SPATA13: variants seen among roughly 807,000 people sequenced by gnomAD.
The protein encoded by SPATA13 is spermatogenesis-associated protein 13.
A neutral mutation model predicts 104.0 loss-of-function variants in SPATA13; 50 were observed. The ratio of observed to expected loss-of-function variants is 0.48; its 90% confidence interval spans 0.38 to 0.61. The LOEUF (loss-of-function observed/expected upper bound fraction) is 0.61, where lower values mean the gene tolerates loss of function less well. SPATA13 is among the 20% of genes least tolerant of loss of function. SPATA13 has a pLI of 0.00. For missense variants in SPATA13, 1,524 were observed against 1,690.6 expected (o/e 0.90, Z 1.73); for synonymous variants, 606 against 667.5 (o/e 0.91, Z 1.42).
In SPATA13 at chr13:24,286,529, T is replaced by G; in HGVS notation, c.2481+136T>G. 1.9e-6 allele frequency: 2 copies of G among 1,070,470 alleles called. No individual in the cohort carries two copies. Among genetic ancestry groups the G allele is most frequent in the Non-Finnish European group, 2.6e-6 (2 of 754,916 alleles). 66.3% of individuals were successfully genotyped at this position (1,070,470 alleles called of 1,614,324 possible). A position where few individuals can be genotyped will look rare whatever the true frequency, so the allele number is the denominator to read the frequency against. ...CATGCAAGTCACACCTGTAAGAAATTAGGCTGGGTCGGAGCAAAAATGTTA... is the reference window on the plus strand; with the variant it reads ...CATGCAAGTCACACCTGTAAGAAATGAGGCTGGGTCGGAGCAAAAATGTTA... On this transcript the variant is annotated intron_variant, in intron 6 of 12. Transcript: ENST00000382108. The surrounding 1 kb of genome is among the most constrained non-coding windows in gnomAD (Gnocchi z 4.9).
chr13:23,998,727 T>C (rs1444599313), intron 2 of SPATA13, among the ~76,000 whole-genome samples: 1 of 152,216 alleles, frequency 6.6e-6, no homozygotes, highest in Non-Finnish European at 1.5e-5. Flanking sequence ...AGGTCTATGA[T>C]TCATTTTCAG....
At chr13:24,225,299 G>T (rs1280779178) in intron 2 of SPATA13, among the ~76,000 whole-genome samples, 1 of 152,248 alleles carries the variant, frequency 6.6e-6, no homozygotes, top group Non-Finnish European at 1.5e-5. Flanking sequence ...GCAGCTCCAG[G>T]TGCCGGCACA....
chr13:24,106,610 C>G (rs1880463147), intron 3 of SPATA13, among the ~76,000 whole-genome samples: 2 of 152,148 alleles, frequency 1.3e-5, no homozygotes, highest in Admixed American at 1.3e-4. Context: ...CTCACTGGGT[C>G]TAAGTACTGA....
At chr13:24,279,515 G>C (rs539502944) in intron 4 of SPATA13, among the ~76,000 whole-genome samples, 53 of 152,310 alleles carry the variant, frequency 3.5e-4, no homozygotes, top group Non-Finnish European at 5.7e-4. Flanking sequence ...CCCGAAGCTG[G>C]ATGGGAACCC....
intron 1 of SPATA13, among the ~76,000 whole-genome samples, chr13:24,209,383 A>G (rs1870890258): frequency 6.6e-6 from 1 of 152,194 alleles, no homozygotes; most frequent in Non-Finnish European, 1.5e-5. Context: ...GTATGGGGTA[A>G]GGGAATTAAG....
At chr13:24,174,025 T>G (rs1448848322) in intron 1 of SPATA13, among the ~76,000 whole-genome samples, 1 of 152,232 alleles carries the variant, frequency 6.6e-6, no homozygotes, top group Non-Finnish European at 1.5e-5. Context: ...GAAGAGGTAG[T>G]GTAGAATTGG....
rs113482773 is a variant in SPATA13, at chr13:24,166,091, A to T, written c.-112+5159A>T. On this transcript the variant is annotated intron_variant, in intron 1 of 12. Transcript: ENST00000382108. Reference sequence around the variant, plus strand: ...ATGGCCTATTTAGGGATTTATGTGGATTTGCAGATTCTGCTATCACAAGTG... The same window carrying T: ...ATGGCCTATTTAGGGATTTATGTGGTTTTGCAGATTCTGCTATCACAAGTG... Among the ~76,000 whole-genome samples the T allele has an allele frequency of 6.5e-3, 987 of 152,266 alleles. 5 individuals carry two copies. Among genetic ancestry groups the T allele is most frequent in the Non-Finnish European group, 0.011 (715 of 67,998 alleles).
At chr13:24,214,481 A>T (rs1871183325) in intron 1 of SPATA13, among the ~76,000 whole-genome samples, 1 of 152,240 alleles carries the variant, frequency 6.6e-6, no homozygotes, top group South Asian at 2.1e-4. Context: ...AGTAAAAGAA[A>T]CTGCTCTAAA....
intron 1 of SPATA13, among the ~76,000 whole-genome samples, chr13:24,194,760 T>C: frequency 6.6e-6 from 1 of 152,244 alleles, no homozygotes; most frequent in East Asian, 1.9e-4. Flanking sequence ...ATATGTGGAA[T>C]CTTGACCTCA....
chr13:24,271,363 A>T (rs560406684), intron 4 of SPATA13, among the ~76,000 whole-genome samples: 45 of 152,270 alleles, frequency 3.0e-4, no homozygotes, highest in African/African-American at 9.4e-4. Context: ...GGTGGTGTGT[A>T]TAAGAATGTT....
intron 2 of SPATA13, among the ~76,000 whole-genome samples, chr13:24,225,871 A>G (rs1871905133): frequency 2.0e-5 from 3 of 152,316 alleles, no homozygotes; most frequent in African/African-American, 7.2e-5. Context: ...CATCCGGGAA[A>G]GTGTTACAGC....
At chr13:24,194,666 G>A (rs1038474766) in intron 1 of SPATA13, among the ~76,000 whole-genome samples, 3 of 152,182 alleles carry the variant, frequency 2.0e-5, no homozygotes, top group African/African-American at 7.2e-5. Context: ...CTTTCCACTG[G>A]AAGGACTAGG....
intron 2 of SPATA13, among the ~76,000 whole-genome samples, chr13:24,228,808 A>C (rs1593440386): frequency 6.6e-6 from 1 of 152,344 alleles, no homozygotes; most frequent in Non-Finnish European, 1.5e-5. Flanking sequence ...AACATATATT[A>C]TGGTGTTATT....
chr13:24,218,636 T>C lies in SPATA13; in HGVS notation c.-111-4183T>C, dbSNP rs374984087. 5.9e-5 allele frequency among the ~76,000 whole-genome samples: 9 copies of C among 152,290 alleles called. No homozygotes were observed. In the East Asian group the frequency reaches 1.7e-3, roughly 29 times the overall value. ...CTTCTCTAACCAGTGGGCCGCAGGC[T>C]GCATGTGGCCCAGGGAAGCTTTGAA... On this transcript the variant is annotated intron_variant, in intron 1 of 12. Transcript: ENST00000382108.
At chr13:24,273,977 A>T (rs1035412401) in intron 4 of SPATA13, among the ~76,000 whole-genome samples, 1 of 152,220 alleles carries the variant, frequency 6.6e-6, no homozygotes, top group Non-Finnish European at 1.5e-5. Flanking sequence ...GGCATGAGCC[A>T]CTGCGCCCGG....
intron 2 of SPATA13, among the ~76,000 whole-genome samples, chr13:23,997,907 G>C (rs927284381): frequency 1.3e-5 from 2 of 152,248 alleles, no homozygotes; most frequent in South Asian, 4.2e-4. Flanking sequence ...GATCATATTT[G>C]AATATCAGTC....
In SPATA13 at chr13:24,189,861, C is replaced by T. The variant is rs1593397591; in HGVS notation, c.-112+28929C>T. ...TATTTAATATATTATATTAATATAT[C>T]ATATATAATATAATTATATATCATA... On this transcript the variant is annotated intron_variant, in intron 1 of 12. Transcript: ENST00000382108. Among the ~76,000 whole-genome samples, 10 of 17,530 alleles carry T rather than the reference C, an allele frequency of 5.7e-4. 2 individuals are homozygous for T. The highest frequency in any genetic ancestry group is 2.4e-3 in the South Asian group (1 of 410). The allele number at this position is 17,530 out of a possible 152,430, so 11.5% of individuals were successfully genotyped here.
At chr13:24,123,607 A>G in intron 3 of SPATA13, 1 of 1,607,386 alleles carries the variant, frequency 6.2e-7, no homozygotes, top group Non-Finnish European at 8.5e-7. Context: ...CAGGCTGTAA[A>G]CAAAAGTGTC....
At chr13:24,172,343 TGA>T (rs1447916172) in intron 1 of SPATA13, among the ~76,000 whole-genome samples, 1 of 152,242 alleles carries the variant, frequency 6.6e-6, no homozygotes, top group East Asian at 1.9e-4. Flanking sequence ...TTTTGTAGAA[TGA>T]GAGTTTTTCA....
Sources: gnomAD v4.1 joint callset for allele counts (sites outside exome capture counted in the v4.1 genomes callset) on GRCh38, gnomAD v4.1.1 for gene constraint, Gnocchi (gnomAD v3.1) non-coding constraint, MANE v1.5 for transcripts, NCBI Gene and HGNC (gene_info 2026-07-23, HGNC 2026-07-21) for gene names.